The following PALLD variants were observed in gnomAD, a reference collection of about 807,000 sequenced individuals.
PALLD encodes the protein palladin.
PALLD carries 61 observed loss-of-function variants against 123.5 expected under a neutral mutation model. That is an observed-to-expected ratio of 0.49 (90% CI 0.40 to 0.61). The LOEUF (loss-of-function observed/expected upper bound fraction) is 0.61. Among genes scored for constraint, PALLD ranks in the 20% least tolerant of loss-of-function variants. The probability of loss-of-function intolerance (pLI) is 0.00; values close to 1 mark genes in which losing one functional copy is unlikely to be tolerated. For missense variants in PALLD, 1,273 were observed against 1,377.0 expected, an observed-to-expected ratio of 0.92 and a Z score of 1.20; for synonymous variants, 465 against 496.4, an observed-to-expected ratio of 0.94 and a Z score of 0.84.
At chr4:168,508,169 T>C (rs34404955) in intron 1 of PALLD, among the ~76,000 whole-genome samples, 59,955 of 151,976 alleles carry the variant, frequency 0.39, 12,532 homozygotes, top group East Asian at 0.58. Context: ...AAAGAAATCA[T>C]AAATGTTAGA....
intron 3 of PALLD, among the ~76,000 whole-genome samples, chr4:168,670,394 C>A (rs779806321): frequency 1.3e-5 from 2 of 152,172 alleles, no homozygotes; most frequent in African/African-American, 4.8e-5. Flanking sequence ...TTCCTGATAT[C>A]AAGGAGTTCT....
intron 10 of PALLD, among the ~76,000 whole-genome samples, chr4:168,847,076 T>C (rs1038855288): frequency 8.5e-5 from 13 of 152,170 alleles, no homozygotes; most frequent in African/African-American, 3.1e-4. Context: ...GGAAGCTCAG[T>C]TGAAAAAAGA....
intron 6 of PALLD, among the ~76,000 whole-genome samples, chr4:168,689,794 A>T (rs1782447612): frequency 1.3e-5 from 2 of 152,130 alleles, no homozygotes; most frequent in Admixed American, 6.5e-5. Flanking sequence ...AAGAAAGTTT[A>T]AAAGGCCCTA....
At chr4:168,671,701 A>G (rs1449463875) in intron 3 of PALLD, among the ~76,000 whole-genome samples, 13 of 152,220 alleles carry the variant, frequency 8.5e-5, no homozygotes, top group Admixed American at 7.9e-4. Context: ...AGAACCTCAG[A>G]TAAATTCTTA....
At chr4:168,735,858 T>C (rs1787694641) in intron 10 of PALLD, among the ~76,000 whole-genome samples, 1 of 152,226 alleles carries the variant, frequency 6.6e-6, no homozygotes, top group Non-Finnish European at 1.5e-5. Flanking sequence ...ACTTTCTCTT[T>C]CCCTGTTCCT....
At chr4:168,582,678 TGATCA>T (rs1390111128) in intron 2 of PALLD, among the ~76,000 whole-genome samples, 1 of 152,180 alleles carries the variant, frequency 6.6e-6, no homozygotes, top group Non-Finnish European at 1.5e-5. Context: ...TCTATGGAGA[TGATCA>T]GATAATATTT....
chr4:168,752,783 G>T (rs1731235681), intron 10 of PALLD, among the ~76,000 whole-genome samples: 1 of 151,838 alleles, frequency 6.6e-6, no homozygotes, highest in Admixed American at 6.6e-5. Flanking sequence ...ATAACTTGAA[G>T]CTACTTTTTA....
intron 10 of PALLD, among the ~76,000 whole-genome samples, chr4:168,889,069 CAGTGA>C (rs1227156927): frequency 6.6e-6 from 1 of 151,526 alleles, no homozygotes; most frequent in East Asian, 1.9e-4. Flanking sequence ...TCTACTGTAT[CAGTGA>C]AGTGACATGA....
At chr4:168,506,148 T>C (rs1474438368) in intron 1 of PALLD, 1 of 152,258 alleles carries the variant, frequency 6.6e-6, no homozygotes, top group Non-Finnish European at 1.5e-5. Context: ...TGGAGAGAAT[T>C]GCACAATCAC....
chr4:168,807,664 C>T (rs1259626917), intron 10 of PALLD, among the ~76,000 whole-genome samples: 7 of 149,930 alleles, frequency 4.7e-5, no homozygotes, highest in African/African-American at 7.4e-5. Flanking sequence ...CCACCTTGGC[C>T]TCCCAAAGTG....
intron 10 of PALLD, among the ~76,000 whole-genome samples, chr4:168,723,128 C>T (rs1786189048): frequency 6.6e-6 from 1 of 152,106 alleles, no homozygotes; most frequent in African/African-American, 2.4e-5. Flanking sequence ...GTCAGGGAAC[C>T]ATGAAGCCAG....
intron 10 of PALLD, among the ~76,000 whole-genome samples, chr4:168,750,315 A>G (rs1730885803): frequency 6.6e-6 from 1 of 152,158 alleles, no homozygotes; most frequent in Non-Finnish European, 1.5e-5. Flanking sequence ...GCTTAGGATA[A>G]TGGCCTCCAG....
chr4:168,667,966 A>G (rs954668306), intron 2 of PALLD, among the ~76,000 whole-genome samples: 2 of 152,226 alleles, frequency 1.3e-5, no homozygotes, highest in Admixed American at 6.5e-5. Flanking sequence ...TTGGGTTGAT[A>G]AAATGTACAA....
chr4:168,901,062 G>T (rs1756408031), intron 14 of PALLD, among the ~76,000 whole-genome samples: 1 of 152,224 alleles, frequency 6.6e-6, no homozygotes, highest in East Asian at 1.9e-4. Flanking sequence ...AGCTAGAAGG[G>T]ACTTAATTGT....
At chr4:168,583,608 A>T (rs1304940544) in intron 2 of PALLD, among the ~76,000 whole-genome samples, 2 of 152,152 alleles carry the variant, frequency 1.3e-5, no homozygotes, top group East Asian at 1.9e-4. Context: ...TGCACCAATC[A>T]GTTTGATGGA....
At chr4:168,788,584 G>GTACAT (rs1291187931) in intron 10 of PALLD, among the ~76,000 whole-genome samples, 1 of 152,120 alleles carries the variant, frequency 6.6e-6, no homozygotes, top group Non-Finnish European at 1.5e-5. Context: ...TCCATACAAT[G>GTACAT]TACAACACCA....
chr4:168,793,186 CAT>C lies in PALLD; in HGVS notation c.1964+81270_1964+81271del, dbSNP rs781594922. On this transcript the variant is annotated intron_variant, in intron 10 of 21. Coordinates refer to ENST00000505667, the MANE Select transcript of PALLD (RefSeq NM_001166108.2). ...ACATATATATGTGTGCATATATATA[CAT>C]ATATATGTGTGCATATATATACATA... is the stretch of plus-strand genomic sequence containing the variant. Among the ~76,000 whole-genome samples the C allele has an allele frequency of 5.0e-3, 518 of 104,246 alleles. 18 individuals are homozygous for C. The East Asian group carries it at 0.1, about 20-fold the overall frequency. The allele number at this position is 104,246 out of a possible 152,430, so 68.4% of individuals were successfully genotyped here.
At position 168,771,426 on chromosome 4, in the gene PALLD, G is replaced by C. The variant is rs935814349; in HGVS notation, c.1964+59503G>C. 3.3e-5 allele frequency among the ~76,000 whole-genome samples: 5 copies of C among 152,264 alleles called. No individual in the cohort carries two copies. The South Asian group carries it at 6.2e-4, about 19-fold the overall frequency. ...GAGCCTGGAAGAGACATTCAGGAAC[G>C]GGCTGCAACAAGCCTTGCTCTGGTG... On this transcript the variant is annotated intron_variant, in intron 10 of 21. Transcript: ENST00000505667.
intron 10 of PALLD, among the ~76,000 whole-genome samples, chr4:168,782,758 T>A (rs1466912205): frequency 6.7e-6 from 1 of 149,296 alleles, no homozygotes; most frequent in Non-Finnish European, 1.5e-5. Flanking sequence ...AAAAAAAAAA[T>A]AAAAAAATTA....
Sources: gnomAD v4.1 joint callset for allele counts (sites outside exome capture counted in the v4.1 genomes callset) on GRCh38, gnomAD v4.1.1 for gene constraint, MANE v1.5 for transcripts, NCBI Gene and HGNC (gene_info 2026-07-23, HGNC 2026-07-21) for gene names.